FAT3: variants seen among roughly 807,000 people sequenced by gnomAD.
FAT3 encodes protocadherin Fat 3.
A neutral mutation model predicts 310.2 loss-of-function variants in FAT3; 95 were observed. The ratio of observed to expected loss-of-function variants is 0.31; its 90% CI spans 0.26 to 0.36. The LOEUF (loss-of-function observed/expected upper bound fraction) is 0.36, where lower values mean the gene tolerates loss of function less well. FAT3 is among the 10% of genes least tolerant of loss of function. FAT3 has a pLI of 1.00. For missense variants in FAT3, 5,408 were observed against 5,715.6 expected, an observed-to-expected ratio of 0.95 and a Z score of 1.74; for synonymous variants, 2,314 against 2,192.9, an observed-to-expected ratio of 1.06 and a Z score of -1.54.
chr11:92,701,721 C>G (rs1944102657), intron 4 of FAT3, among the ~76,000 whole-genome samples: 1 of 152,144 alleles, frequency 6.6e-6, no homozygotes, highest in South Asian at 2.1e-4. Context: ...TGATAATGGA[C>G]ACGTAAATGA....
chr11:92,792,357 A>C (rs1947059886), intron 8 of FAT3, among the ~76,000 whole-genome samples: 1 of 152,146 alleles, frequency 6.6e-6, no homozygotes, highest in Admixed American at 6.6e-5. Flanking sequence ...AAATGCCTAC[A>C]TTGTGTTCAT....
intron 2 of FAT3, among the ~76,000 whole-genome samples, chr11:92,362,622 T>TTTTTG (rs1948912873): frequency 6.6e-6 from 1 of 152,336 alleles, no homozygotes; most frequent in South Asian, 2.1e-4. Flanking sequence ...TACGACACTA[T>TTTTTG]TTTTGTTTTG....
chr11:92,714,902 C>A (rs559227034), intron 4 of FAT3, among the ~76,000 whole-genome samples: 1 of 151,774 alleles, frequency 6.6e-6, no homozygotes, highest in Admixed American at 6.6e-5. Context: ...TTCTGAAAAC[C>A]CTGGTCTCGG....
chr11:92,699,222 G>A (rs1340609341), intron 4 of FAT3, among the ~76,000 whole-genome samples: 8 of 152,182 alleles, frequency 5.3e-5, no homozygotes. Context: ...GAAGTATGAA[G>A]AGAAGTTAAT....
chr11:92,712,593 G>A (rs921478130), intron 4 of FAT3, among the ~76,000 whole-genome samples: 2 of 151,596 alleles, frequency 1.3e-5, no homozygotes, highest in African/African-American at 4.8e-5. Context: ...GAATTAAAAT[G>A]AAAAAAAATA....
At chr11:92,749,274 A>T (rs1945759231) in intron 4 of FAT3, among the ~76,000 whole-genome samples, 1 of 152,224 alleles carries the variant, frequency 6.6e-6, no homozygotes, top group East Asian at 1.9e-4. Context: ...TATCGAGTTA[A>T]CACACATACA....
intron 22 of FAT3, among the ~76,000 whole-genome samples, chr11:92,878,044 A>G (rs1949572585): frequency 6.6e-6 from 1 of 152,236 alleles, no homozygotes; most frequent in Non-Finnish European, 1.5e-5. Flanking sequence ...ATTTGTGTAT[A>G]TACATGAGCA....
At position 92,280,162 on chromosome 11, in the gene FAT3, G is replaced by A. The variant is rs569113765; in HGVS notation, c.-18+54988G>A. Among the ~76,000 whole-genome samples the A allele has an allele frequency of 3.9e-5, 6 of 152,282 alleles. 1 individual carries two copies. Among genetic ancestry groups the A allele is most frequent in the African/African-American group, 1.4e-4 (6 of 41,568 alleles). Reference sequence around the variant, plus strand: ...TCCTTCCAAGGAAGAGGGAACATTAGTGACTTGCTCAAGAACGATCGAAGA... The same window carrying A: ...TCCTTCCAAGGAAGAGGGAACATTAATGACTTGCTCAAGAACGATCGAAGA... On this transcript the variant is annotated intron_variant, in intron 1 of 27. Transcript: ENST00000525166.
chr11:92,231,805 G>GTTTT (rs5793586), intron 1 of FAT3, among the ~76,000 whole-genome samples: 1 of 149,060 alleles, frequency 6.7e-6, no homozygotes, highest in African/African-American at 2.5e-5. Flanking sequence ...AAATATCAGG[G>GTTTT]TTTTTTTTTT....
chr11:92,307,610 C>T (rs1294374845), intron 1 of FAT3, among the ~76,000 whole-genome samples: 1 of 152,174 alleles, frequency 6.6e-6, no homozygotes, highest in East Asian at 1.9e-4. Context: ...GTTCATCCCG[C>T]TTCATTGTAT....
intron 13 of FAT3, among the ~76,000 whole-genome samples, chr11:92,825,669 A>G (rs1948083701): frequency 6.6e-6 from 1 of 152,070 alleles, no homozygotes; most frequent in Admixed American, 6.5e-5. Flanking sequence ...AAGGACTAGA[A>G]TGCCATTCTC....
At chr11:92,816,002 A>G (rs1366359365) in intron 13 of FAT3, among the ~76,000 whole-genome samples, 1 of 152,242 alleles carries the variant, frequency 6.6e-6, no homozygotes, top group Non-Finnish European at 1.5e-5. Context: ...CAGATAGCAC[A>G]TGTAAAATGC....
chr11:92,840,235 A>G (rs1948503169), intron 17 of FAT3, among the ~76,000 whole-genome samples: 1 of 152,206 alleles, frequency 6.6e-6, no homozygotes, highest in Non-Finnish European at 1.5e-5. Context: ...TTGCCAGCTA[A>G]CCCAGGACAA....
At chr11:92,535,341 G>T (rs753286170) in intron 3 of FAT3, among the ~76,000 whole-genome samples, 1 of 152,146 alleles carries the variant, frequency 6.6e-6, no homozygotes, top group Non-Finnish European at 1.5e-5. Flanking sequence ...TCCTGATAGG[G>T]ACCATGAATC....
At chr11:92,607,317 G>A (rs76187990) in intron 3 of FAT3, among the ~76,000 whole-genome samples, 2 of 152,056 alleles carry the variant, frequency 1.3e-5, no homozygotes, top group East Asian at 1.9e-4. Flanking sequence ...ACTAAGGAAG[G>A]GGGGTGGGGG....
intron 21 of FAT3, 34 bp downstream of exon 21, chr11:92,859,356 G>T: frequency 6.6e-7 from 1 of 1,511,790 alleles, no homozygotes; most frequent in Non-Finnish European, 8.9e-7. Flanking sequence ...TCTGCAGTCA[G>T]TTCTCATGTT....
intron 3 of FAT3, among the ~76,000 whole-genome samples, chr11:92,616,698 T>C (rs1346908327): frequency 6.6e-6 from 1 of 152,104 alleles, no homozygotes; most frequent in African/African-American, 2.4e-5. Context: ...TCAGCATTTG[T>C]TTTTCTGTAA....
rs766009618 is a variant in FAT3, at chr11:92,843,924, G to C, written c.10567-10G>C. The C allele has an allele frequency of 6.3e-7, 1 of 1,577,146 alleles. No individual in the cohort carries two copies. The highest frequency in any genetic ancestry group is 1.4e-5 in the African/African-American group (1 of 73,676). On this transcript the variant is annotated splice_polypyrimidine_tract_variant and intron_variant, in intron 18 of 27. Transcript: ENST00000525166. ...TCCTTTGTTGCCTTTTCACCTCTTGGTTGTTTTAGGCAAAGGATTCAGGCA... is the reference window on the plus strand; with the variant it reads ...TCCTTTGTTGCCTTTTCACCTCTTGCTTGTTTTAGGCAAAGGATTCAGGCA...
chr11:92,718,316 C>T (rs1944751103), intron 4 of FAT3, among the ~76,000 whole-genome samples: 1 of 152,114 alleles, frequency 6.6e-6, no homozygotes, highest in Non-Finnish European at 1.5e-5. Flanking sequence ...CCAAACTGGT[C>T]CACAAATGGC....
Sources: allele counts gnomAD v4.1 joint callset (sites outside exome capture counted in the v4.1 genomes callset), GRCh38; gene constraint gnomAD v4.1.1; transcripts MANE v1.5; gene names NCBI Gene and HGNC (gene_info 2026-07-23, HGNC 2026-07-21).